Variants in RARB observed in about 807,000 individuals in gnomAD.
RARB encodes retinoic acid receptor beta, also known as HBV-activated protein.
Under a neutral mutation model 51.9 loss-of-function variants are expected in RARB, and 17 were observed. The ratio of observed to expected loss-of-function variants is 0.33; its 90% CI spans 0.22 to 0.49. The LOEUF (loss-of-function observed/expected upper bound fraction) is 0.49, where lower values mean the gene tolerates loss of function less well. RARB is among the 20% of genes least tolerant of loss of function. The probability of loss-of-function intolerance (pLI) is 0.99; values close to 1 mark genes in which losing one functional copy is unlikely to be tolerated. For missense variants in RARB, 369 were observed against 550.8 expected (o/e 0.67, Z 3.30); for synonymous variants, 215 against 195.4 (o/e 1.10, Z -0.84).
At chr3:24,907,531 C>A (rs977292348) in intron 2 of RARB, among the ~76,000 whole-genome samples, 16 of 152,054 alleles carry the variant, frequency 1.1e-4, no homozygotes, top group Non-Finnish European at 1.8e-4. Context: ...AGACTAACTC[C>A]AAAGCATCCC....
At chr3:25,164,400 C>A (rs1169690575) in intron 4 of RARB, among the ~76,000 whole-genome samples, 1 of 152,094 alleles carries the variant, frequency 6.6e-6, no homozygotes, top group Non-Finnish European at 1.5e-5. Context: ...CATGGGCAAC[C>A]CATGTGTGCA....
chr3:24,961,322 T>C (rs1345040549), intron 2 of RARB, among the ~76,000 whole-genome samples: 1 of 152,206 alleles, frequency 6.6e-6, no homozygotes, highest in Non-Finnish European at 1.5e-5. Context: ...AGAATAAATA[T>C]GCAAATATTG....
chr3:24,939,136 C>T lies in RARB; in HGVS notation c.-380+80384C>T, dbSNP rs187265627. Among the ~76,000 whole-genome samples the T allele has an allele frequency of 1.1e-3, 173 of 152,142 alleles. 1 individual carries two copies. The highest frequency in any genetic ancestry group is 3.8e-3 in the African/African-American group (159 of 41,524). On this transcript the variant is annotated intron_variant, in intron 2 of 11. Transcript: ENST00000383772. ...TAGCTAGGATTACAGGCGTGCACCA[C>T]GATATCTGGCTAATTGTTTGTATTT...
intron 2 of RARB, among the ~76,000 whole-genome samples, chr3:24,962,973 T>C (rs1311678424): frequency 3.9e-5 from 6 of 152,186 alleles, no homozygotes; most frequent in African/African-American, 1.4e-4. Context: ...CCATCCATAA[T>C]TTAATCCCTT....
At chr3:24,837,024 C>A (rs1702353770) in intron 1 of RARB, among the ~76,000 whole-genome samples, 1 of 152,176 alleles carries the variant, frequency 6.6e-6, no homozygotes, top group African/African-American at 2.4e-5. Context: ...ACATATATCA[C>A]AATAAATTAG....
intron 5 of RARB, among the ~76,000 whole-genome samples, chr3:25,280,528 C>G (rs537303166): frequency 6.6e-6 from 1 of 152,122 alleles, no homozygotes; most frequent in Admixed American, 6.6e-5. Flanking sequence ...TTGGAAAGGT[C>G]ACTAGACTTT....
At chr3:25,359,080 G>T (rs1368119311) in intron 5 of RARB, among the ~76,000 whole-genome samples, 2 of 152,002 alleles carry the variant, frequency 1.3e-5, no homozygotes, top group South Asian at 2.1e-4. Context: ...TGTACCTCTG[G>T]TAGAATTTAG....
intron 2 of RARB, among the ~76,000 whole-genome samples, chr3:24,900,915 T>C (rs191458793): frequency 6.6e-6 from 1 of 152,228 alleles, no homozygotes; most frequent in Admixed American, 6.5e-5. Flanking sequence ...TTCATTTACA[T>C]AATATGGGAT....
chr3:25,316,186 A>G (rs1415004134), intron 5 of RARB, among the ~76,000 whole-genome samples: 1 of 152,180 alleles, frequency 6.6e-6, no homozygotes, highest in Non-Finnish European at 1.5e-5. Flanking sequence ...TCTGAGGACC[A>G]TTGTATCTAT....
chr3:24,921,318 C>T (rs771093935), intron 2 of RARB, among the ~76,000 whole-genome samples: 8 of 152,102 alleles, frequency 5.3e-5, no homozygotes, highest in African/African-American at 1.2e-4. Flanking sequence ...CCCAGTGTAA[C>T]GAACTCCTCT....
At chr3:24,874,738 T>C (rs1363855527) in intron 2 of RARB, among the ~76,000 whole-genome samples, 2 of 152,020 alleles carry the variant, frequency 1.3e-5, no homozygotes, top group Admixed American at 1.3e-4. Flanking sequence ...TGGCAGTCTT[T>C]AGTTTTACTT....
At chr3:24,911,875 T>C (rs746460947) in intron 2 of RARB, among the ~76,000 whole-genome samples, 5 of 152,354 alleles carry the variant, frequency 3.3e-5, no homozygotes, top group Middle Eastern at 3.4e-3. Flanking sequence ...TCACTAGATT[T>C]TCAAAGCATC....
chr3:25,565,490 G>T (rs1283012910), intron 3 of RARB, among the ~76,000 whole-genome samples: 2 of 152,054 alleles, frequency 1.3e-5, no homozygotes, highest in African/African-American at 2.4e-5. Flanking sequence ...ATGAATGTCT[G>T]TCTGCTACCA....
At chr3:25,570,964 C>A (rs570657813) in intron 4 of RARB, among the ~76,000 whole-genome samples, 7 of 150,304 alleles carry the variant, frequency 4.7e-5, no homozygotes, top group African/African-American at 1.7e-4. Flanking sequence ...AAACAGTGAG[C>A]GGCGGGGCTT....
rs1276059060 is a variant in RARB, at chr3:24,830,564, C to T, written c.-459+1161C>T. Reference sequence around the variant, plus strand: ...GGGTGAGTTTCCCTGACACTCCCCGCCGGAGGCAAGCAGGCAGAGGCGAAG... The same window carrying T: ...GGGTGAGTTTCCCTGACACTCCCCGTCGGAGGCAAGCAGGCAGAGGCGAAG... On this transcript the variant is annotated intron_variant, in intron 1 of 11. Transcript: ENST00000383772. Among the ~76,000 whole-genome samples, 6 of 151,084 alleles carry T rather than the reference C, an allele frequency of 4.0e-5. No individual in the cohort carries two copies. The East Asian group carries it at 9.9e-4, about 25-fold the overall frequency.
At chr3:25,377,019 T>C (rs1362432584) in intron 5 of RARB, among the ~76,000 whole-genome samples, 1 of 151,980 alleles carries the variant, frequency 6.6e-6, no homozygotes, top group African/African-American at 2.4e-5. Context: ...TTAGTTTAGT[T>C]TGTTTGTTTG....
intron 5 of RARB, among the ~76,000 whole-genome samples, chr3:25,341,753 C>T (rs1413087952): frequency 2.0e-5 from 3 of 152,068 alleles, no homozygotes; most frequent in Non-Finnish European, 4.4e-5. Flanking sequence ...CACTAAACCT[C>T]CCACTATGAG....
chr3:25,244,986 C>G (rs187506300), intron 5 of RARB, among the ~76,000 whole-genome samples: 1 of 152,198 alleles, frequency 6.6e-6, no homozygotes, highest in Non-Finnish European at 1.5e-5. Flanking sequence ...AATCTGGGTG[C>G]TCCCGTATTG....
intron 5 of RARB, among the ~76,000 whole-genome samples, chr3:25,398,693 G>C (rs555933046): frequency 6.6e-6 from 1 of 152,246 alleles, no homozygotes; most frequent in African/African-American, 2.4e-5. Flanking sequence ...AGAAGCTTAA[G>C]TCCTTAATTT....
Sources: gnomAD v4.1 joint callset for allele counts (sites outside exome capture counted in the v4.1 genomes callset) on GRCh38, gnomAD v4.1.1 for gene constraint, MANE v1.5 for transcripts, NCBI Gene and HGNC (gene_info 2026-07-23, HGNC 2026-07-21) for gene names.